Variants in NR6A1 observed in about 807,000 individuals in gnomAD.
NR6A1 encodes retinoic acid receptor-related testis-associated receptor.
A neutral mutation model predicts 59.1 loss-of-function variants in NR6A1; 7 were observed. The ratio of observed to expected loss-of-function variants is 0.12; its 90% CI spans 0.07 to 0.22. NR6A1 has a LOEUF of 0.22. Among genes scored for constraint, NR6A1 ranks in the 10% least tolerant of loss-of-function variants. The pLI is 1.00. For synonymous variants in NR6A1, 243 were observed against 236.1 expected, an observed-to-expected ratio of 1.03 and a Z score of -0.27; for missense variants, 468 against 611.6, an observed-to-expected ratio of 0.77 and a Z score of 2.48.
intron 1 of NR6A1, among the ~76,000 whole-genome samples, chr9:124,761,951 C>T (rs559786599): frequency 1.3e-5 from 2 of 152,312 alleles, no homozygotes; most frequent in East Asian, 3.9e-4. Flanking sequence ...CACTACCACA[C>T]ATTTCATGTA....
intron 2 of NR6A1, among the ~76,000 whole-genome samples, chr9:124,617,846 A>G (rs1319206345): frequency 6.6e-6 from 1 of 152,192 alleles, no homozygotes; most frequent in Non-Finnish European, 1.5e-5. Flanking sequence ...GATTATCCAC[A>G]ACTAGCAACA....
At position 124,597,861 on chromosome 9, in the gene NR6A1, G is replaced by C. The variant is rs188207986; in HGVS notation, c.143-43291C>G. Among the ~76,000 whole-genome samples, 18 of 152,110 alleles carry C rather than the reference G, an allele frequency of 1.2e-4. No homozygotes were observed. The East Asian group carries it at 3.5e-3, about 29-fold the overall frequency. On this transcript the variant is annotated intron_variant, in intron 2 of 9. Transcript: ENST00000487099. Reference sequence around the variant, plus strand: ...CTAAATCTTATTTATTTTTTTATTTGAGACAGGGCCTCGCTCTGTCACACA... The same window carrying C: ...CTAAATCTTATTTATTTTTTTATTTCAGACAGGGCCTCGCTCTGTCACACA...
chr9:124,534,603 G>A (rs1456160062), intron 7 of NR6A1, among the ~76,000 whole-genome samples: 5 of 152,156 alleles, frequency 3.3e-5, no homozygotes, highest in African/African-American at 9.7e-5. Context: ...AAATGACAAA[G>A]AGAATAGCTC....
In NR6A1 at chr9:124,599,011, GGTCTT is replaced by G. The variant is rs1426757289; in HGVS notation, c.143-44446_143-44442del. The G allele has an allele frequency of 4.0e-6, 3 of 741,128 alleles. No individual in the cohort carries two copies. In the East Asian group the frequency reaches 7.5e-5, roughly 19 times the overall value. The allele number at this position is 741,128 out of a possible 1,614,324, so 45.9% of individuals were successfully genotyped here. The stretch of plus-strand genomic sequence containing the variant: ...TGTAGTGGTTGGCACAAATCTTCAG[GGTCTT>G]GTCCCTCCTCATGAGGAGGCGGGTG... On this transcript the variant is annotated intron_variant, in intron 2 of 9. Transcript: ENST00000487099.
chr9:124,551,052 T>C (rs1023652335), intron 3 of NR6A1, among the ~76,000 whole-genome samples: 3 of 152,222 alleles, frequency 2.0e-5, no homozygotes, highest in African/African-American at 7.2e-5. Flanking sequence ...CCTTTCTTTT[T>C]TTAGAAAGCA....
At chr9:124,770,817 AG>A (rs890754692) in intron 1 of NR6A1, among the ~76,000 whole-genome samples, 7 of 150,994 alleles carry the variant, frequency 4.6e-5, no homozygotes, top group Non-Finnish European at 7.4e-5. Flanking sequence ...ACAGGGACGA[AG>A]GAGGAGGATC....
intron 2 of NR6A1, among the ~76,000 whole-genome samples, chr9:124,594,896 T>C (rs1001454881): frequency 6.6e-6 from 1 of 152,234 alleles, no homozygotes; most frequent in East Asian, 1.9e-4. Context: ...AGCTATTTCG[T>C]AGGGTTAATG....
chr9:124,707,649 G>T (rs1005896467), intron 2 of NR6A1, among the ~76,000 whole-genome samples: 2 of 152,056 alleles, frequency 1.3e-5, no homozygotes, highest in African/African-American at 4.8e-5. Flanking sequence ...CCCCACTAAG[G>T]TTGGTGGTGA....
At chr9:124,667,309 G>T (rs748723397) in intron 2 of NR6A1, among the ~76,000 whole-genome samples, 1 of 152,146 alleles carries the variant, frequency 6.6e-6, no homozygotes, top group South Asian at 2.1e-4. Flanking sequence ...GGGATTACAG[G>T]TGTGAGCCAC....
intron 2 of NR6A1, among the ~76,000 whole-genome samples, chr9:124,595,354 A>G (rs1835240791): frequency 6.6e-6 from 1 of 152,236 alleles, no homozygotes; most frequent in African/African-American, 2.4e-5. Context: ...ACAGTAGTAA[A>G]TAAGACTTTG....
chr9:124,706,265 A>C (rs1262730595), intron 2 of NR6A1, among the ~76,000 whole-genome samples: 1 of 152,210 alleles, frequency 6.6e-6, no homozygotes, highest in Non-Finnish European at 1.5e-5. Context: ...AAAATGGTAT[A>C]ATCCTTGCTC....
At chr9:124,667,800 T>C (rs1837669334) in intron 2 of NR6A1, among the ~76,000 whole-genome samples, 1 of 152,212 alleles carries the variant, frequency 6.6e-6, no homozygotes, top group Non-Finnish European at 1.5e-5. Flanking sequence ...TACTTTTTCA[T>C]CTTATCGTAG....
At chr9:124,545,455 T>C (rs895369824) in intron 3 of NR6A1, among the ~76,000 whole-genome samples, 52 of 152,296 alleles carry the variant, frequency 3.4e-4, no homozygotes, top group African/African-American at 8.9e-4. Context: ...TGTTGTGAAT[T>C]TGGAGTAAGA....
chr9:124,671,903 A>T (rs1312158730), intron 2 of NR6A1, among the ~76,000 whole-genome samples: 3 of 152,234 alleles, frequency 2.0e-5, no homozygotes, highest in Non-Finnish European at 4.4e-5. Context: ...TACCTAGGAA[A>T]CCAACATCTA....
At chr9:124,523,066 C>T (rs1396284146) in intron 9 of NR6A1, among the ~76,000 whole-genome samples, 1 of 152,162 alleles carries the variant, frequency 6.6e-6, no homozygotes, top group Admixed American at 6.5e-5. Context: ...AAATGCATTA[C>T]CTCGTTGAAT....
chr9:124,608,047 A>G (rs1458603379), intron 2 of NR6A1, among the ~76,000 whole-genome samples: 1 of 152,196 alleles, frequency 6.6e-6, no homozygotes, highest in Non-Finnish European at 1.5e-5. Context: ...ACTCCAGCCT[A>G]GGAGACAGTC....
intron 1 of NR6A1, among the ~76,000 whole-genome samples, chr9:124,736,095 T>C (rs4838203): frequency 0.41 from 61,974 of 151,988 alleles, 14,655 homozygotes; most frequent in Admixed American, 0.57. Flanking sequence ...TTCATGTAAA[T>C]TGACTCAAAA....
At chr9:124,572,839 A>C (rs1834477950) in intron 2 of NR6A1, among the ~76,000 whole-genome samples, 2 of 152,206 alleles carry the variant, frequency 1.3e-5, no homozygotes. Context: ...GTCTGAGGAA[A>C]AGGTCACCAG....
chr9:124,706,795 C>A (rs1397535751), intron 2 of NR6A1, among the ~76,000 whole-genome samples: 3 of 152,194 alleles, frequency 2.0e-5, no homozygotes, highest in Non-Finnish European at 4.4e-5. Flanking sequence ...ATATTACAGG[C>A]GTGAGCCACC....
Sources: allele counts gnomAD v4.1 joint callset (sites outside exome capture counted in the v4.1 genomes callset), GRCh38; gene constraint gnomAD v4.1.1; transcripts MANE v1.5; gene names NCBI Gene and HGNC (gene_info 2026-07-23, HGNC 2026-07-21).